ASCC3: variants seen among roughly 807,000 people sequenced by gnomAD.
ASCC3 encodes ASC-1 complex subunit P200.
ASCC3 carries 158 observed loss-of-function variants against 256.3 expected under a neutral mutation model. The ratio of observed to expected loss-of-function variants is 0.62; its 90% confidence interval spans 0.54 to 0.70. The LOEUF (loss-of-function observed/expected upper bound fraction) is 0.70. ASCC3 is among the 30% of genes least tolerant of loss of function. The pLI, the probability that ASCC3 is intolerant of heterozygous loss-of-function variation, is 0.00. For missense variants in ASCC3, 2,259 were observed against 2,626.0 expected (o/e 0.86, Z 3.05); for synonymous variants, 948 against 883.4 (o/e 1.07, Z -1.30).
At chr6:100,569,373 T>A (rs946115460) in intron 36 of ASCC3, among the ~76,000 whole-genome samples, 1 of 151,984 alleles carries the variant, frequency 6.6e-6, no homozygotes, top group African/African-American at 2.4e-5. Context: ...ACTGTAACCT[T>A]TTTTTATTTA....
At chr6:100,530,677 T>C (rs371196664) in intron 37 of ASCC3, 44 of 897,852 alleles carry the variant, frequency 4.9e-5, no homozygotes, top group Admixed American at 3.2e-4. Flanking sequence ...TGTGACAGCA[T>C]AGAAAAACTA....
chr6:100,670,395 T>G (rs945288820), intron 14 of ASCC3, among the ~76,000 whole-genome samples: 1 of 151,964 alleles, frequency 6.6e-6, no homozygotes, highest in Admixed American at 6.6e-5. Context: ...TAAAATGGTG[T>G]GATATTTGCA....
At chr6:100,780,366 G>T (rs527894280) in intron 8 of ASCC3, among the ~76,000 whole-genome samples, 1 of 152,172 alleles carries the variant, frequency 6.6e-6, no homozygotes, top group East Asian at 1.9e-4. Flanking sequence ...TACATTCAGG[G>T]AAAATCTCTT....
At chr6:100,817,224 T>G (rs1770795963) in intron 4 of ASCC3, among the ~76,000 whole-genome samples, 1 of 151,608 alleles carries the variant, frequency 6.6e-6, no homozygotes, top group Non-Finnish European at 1.5e-5. Context: ...GTTAAATATG[T>G]GAGATGAATG....
At chr6:100,645,190 A>T (rs970033416) in intron 22 of ASCC3, among the ~76,000 whole-genome samples, 7 of 152,204 alleles carry the variant, frequency 4.6e-5, no homozygotes, top group Non-Finnish European at 1.0e-4. Flanking sequence ...AGACAGTGTA[A>T]GAAATACAAA....
At position 100,767,775 on chromosome 6, in the gene ASCC3, A is replaced by ATT. The variant is rs71547412; in HGVS notation, c.1396-432_1396-431dup. 2.4e-3 allele frequency among the ~76,000 whole-genome samples: 340 copies of ATT among 143,872 alleles called. 1 individual carries two copies. Among genetic ancestry groups the ATT allele is most frequent in the Non-Finnish European group, 3.1e-3 (207 of 65,854 alleles). 94.4% of individuals were successfully genotyped at this position (143,872 alleles called of 152,430 possible). ...AGGCTCCCGCCACCATGCCCGGCTA[A>ATT]TTTTTTTTTTTTTTGTATATTTAGT... On this transcript the variant is annotated intron_variant, in intron 8 of 41. Coordinates refer to ENST00000369162, the MANE Select transcript of ASCC3 (RefSeq NM_006828.4).
At chr6:100,608,082 A>ATATATCGATATATACATATATATG (rs1562160887) in intron 30 of ASCC3, among the ~76,000 whole-genome samples, 9 of 71,442 alleles carry the variant, frequency 1.3e-4, no homozygotes, top group African/African-American at 2.1e-4. Context: ...ATATATATGT[A>ATATATCGATATATACATATATATG]TATATATCTA....
At chr6:100,729,721 T>C (rs1456770461) in intron 10 of ASCC3, among the ~76,000 whole-genome samples, 1 of 152,188 alleles carries the variant, frequency 6.6e-6, no homozygotes, top group Non-Finnish European at 1.5e-5. Flanking sequence ...TTGAAGCATA[T>C]GGCTAAAAAG....
intron 38 of ASCC3, among the ~76,000 whole-genome samples, chr6:100,517,120 A>C (rs542861146): frequency 1.7e-3 from 261 of 152,184 alleles, no homozygotes; most frequent in African/African-American, 5.7e-3. Flanking sequence ...GGGACATCCC[A>C]TGGTAAGAAC....
At chr6:100,864,938 G>C (rs1773409081) in intron 2 of ASCC3, among the ~76,000 whole-genome samples, 2 of 152,094 alleles carry the variant, frequency 1.3e-5, no homozygotes, top group African/African-American at 2.4e-5. Context: ...CAGACCTCTG[G>C]CTTTGATCCA....
chr6:100,777,245 G>A (rs9322183), intron 8 of ASCC3, among the ~76,000 whole-genome samples: 83,467 of 151,914 alleles, frequency 0.55, 23,291 homozygotes, highest in South Asian at 0.75. Context: ...GTGTATGTGT[G>A]AGTGTATAAA....
In ASCC3 at chr6:100,562,567, T is replaced by C. The variant is rs1243319514; in HGVS notation, c.5551-22180A>G. On this transcript the variant is annotated intron_variant, in intron 36 of 41. Coordinates refer to ENST00000369162, the MANE Select transcript of ASCC3 (RefSeq NM_006828.4). The stretch of plus-strand genomic sequence containing the variant: ...GGTCTGTATAAAAACAAACACTTTT[T>C]CCCACTGATTCCCTTTCAAGAACGT... Among the ~76,000 whole-genome samples the C allele has an allele frequency of 2.6e-5, 4 of 152,220 alleles. No individual in the cohort carries two copies. The South Asian group carries it at 8.3e-4, about 32-fold the overall frequency.
At chr6:100,580,079 T>C (rs1771126452) in intron 36 of ASCC3, among the ~76,000 whole-genome samples, 1 of 152,144 alleles carries the variant, frequency 6.6e-6, no homozygotes, top group African/African-American at 2.4e-5. Context: ...TTTTATTCTT[T>C]TTGTTGCTAT....
At chr6:100,838,816 A>G (rs1013621831) in intron 4 of ASCC3, among the ~76,000 whole-genome samples, 40 of 152,194 alleles carry the variant, frequency 2.6e-4, no homozygotes, top group Non-Finnish European at 3.8e-4. Context: ...TTGTCTCAGA[A>G]GACAAATTTC....
At chr6:100,594,932 A>G (rs1772206853) in intron 34 of ASCC3, among the ~76,000 whole-genome samples, 1 of 152,122 alleles carries the variant, frequency 6.6e-6, no homozygotes, top group South Asian at 2.1e-4. Context: ...TGCCATTGAA[A>G]TAAGGTAGGT....
rs1384135057 is a variant in ASCC3, at chr6:100,508,680, G to C, written c.*706C>G. The C allele has an allele frequency of 6.6e-6, 1 of 152,160 alleles. No individual in the cohort carries two copies. The highest frequency in any genetic ancestry group is 6.5e-5 in the Admixed American group (1 of 15,274). The allele number at this position is 152,160 out of a possible 1,614,324, so 9.4% of individuals were successfully genotyped here. A position where few individuals can be genotyped will look rare whatever the true frequency, so the allele number is the denominator to read the frequency against. Reference sequence around the variant, plus strand: ...GAAGGGAAAGAAAAGAAGAACAGATGAGTAAGGGGATATTATTTAAAGGAA... The same window carrying C: ...GAAGGGAAAGAAAAGAAGAACAGATCAGTAAGGGGATATTATTTAAAGGAA... On this transcript the variant is annotated 3_prime_UTR_variant, in exon 42 of 42. Coordinates refer to ENST00000369162, the MANE Select transcript of ASCC3 (RefSeq NM_006828.4).
At chr6:100,585,450 T>C (rs930549401) in intron 36 of ASCC3, among the ~76,000 whole-genome samples, 20 of 152,224 alleles carry the variant, frequency 1.3e-4, no homozygotes, top group African/African-American at 4.6e-4. Flanking sequence ...TAAGCACTTC[T>C]CTGTATTGGT....
chr6:100,856,493 G>T lies in ASCC3; in HGVS notation c.241+7571C>A, dbSNP rs1415481165. On this transcript the variant is annotated intron_variant, in intron 3 of 41. Transcript: ENST00000369162. Reference sequence around the variant, plus strand: ...AAAAATCATAGTAATTCTTTTTATTGAATATAACAAGAAAATATACAGTAC... The same window carrying T: ...AAAAATCATAGTAATTCTTTTTATTTAATATAACAAGAAAATATACAGTAC... 1.1e-5 allele frequency: 9 copies of T among 832,420 alleles called. No homozygotes were observed. The Admixed American group carries it at 1.9e-4, about 17-fold the overall frequency. The allele number at this position is 832,420 out of a possible 1,614,324, so 51.6% of individuals were successfully genotyped here.
intron 8 of ASCC3, among the ~76,000 whole-genome samples, chr6:100,792,199 T>G (rs1311288905): frequency 6.6e-6 from 1 of 151,906 alleles, no homozygotes; most frequent in Non-Finnish European, 1.5e-5. Context: ...CTTAATCAGT[T>G]TAATATACCT....
Sources: gnomAD v4.1 joint callset for allele counts (sites outside exome capture counted in the v4.1 genomes callset) on GRCh38, gnomAD v4.1.1 for gene constraint, MANE v1.5 for transcripts, NCBI Gene and HGNC (gene_info 2026-07-23, HGNC 2026-07-21) for gene names.